The following BPTF variants were observed in gnomAD, a reference collection of about 807,000 sequenced individuals.
BPTF encodes the protein bromodomain PHD finger transcription factor, also known as nucleosome-remodeling factor subunit BPTF.
In BPTF, 18 loss-of-function variants were observed where a neutral mutation model predicts 292.5. That is an observed-to-expected ratio of 0.06 (90% CI 0.04 to 0.09). The LOEUF (loss-of-function observed/expected upper bound fraction) is 0.09. BPTF is among the 10% of genes least tolerant of loss of function. The pLI is 1.00. For synonymous variants in BPTF, 1,225 were observed against 1,251.9 expected, an observed-to-expected ratio of 0.98 and a Z score of 0.45; for missense variants, 2,726 against 3,498.7, an observed-to-expected ratio of 0.78 and a Z score of 5.57.
intron 1 of BPTF, among the ~76,000 whole-genome samples, chr17:67,834,586 T>G (rs1427158173): frequency 1.3e-5 from 2 of 152,184 alleles, no homozygotes; most frequent in Non-Finnish European, 2.9e-5. Flanking sequence ...TTTATATTCA[T>G]GTATTTTGAG....
intron 26 of BPTF, among the ~76,000 whole-genome samples, chr17:67,972,388 A>G (rs1207725990): frequency 1.3e-5 from 2 of 151,580 alleles, no homozygotes; most frequent in Non-Finnish European, 2.9e-5. Context: ...GGCGCCCACC[A>G]CCATACCTAC....
intron 3 of BPTF, among the ~76,000 whole-genome samples, chr17:67,872,435 C>T (rs532381569): frequency 4.6e-5 from 7 of 152,106 alleles, no homozygotes; most frequent in African/African-American, 7.2e-5. Context: ...TGAAAATGGC[C>T]GGGCGTGGTG....
In BPTF at chr17:67,826,326, G is replaced by C. The variant is rs1239288148; in HGVS notation, c.602G>C (p.Ser201Thr). The C allele has an allele frequency of 6.2e-7, 1 of 1,610,618 alleles. No homozygotes were observed. The highest frequency in any genetic ancestry group is 1.3e-5 in the African/African-American group (1 of 74,696). Residue 201 changes from serine (S) to threonine (T), a missense_variant, in exon 1 of 28, where the codon AGC (serine) becomes ACC (threonine). This residue lies in a region of BPTF where 153 missense variants were observed against 178.3 expected (regional missense o/e 0.86). Transcript: ENST00000306378. ...AGCTTCAGGAGCCATAGTACCTACA[G>C]CAGCACTCCAGGTACCCACCCAGCC... The part of the protein sequence containing the change: ...ESSFRSHSTY[S>T]STPGRRKPRV...
intron 10 of BPTF, 72 bp from the exon 11 acceptor site, chr17:67,910,805 A>AT (rs1466895334): frequency 8.8e-7 from 1 of 1,139,488 alleles, no homozygotes; most frequent in African/African-American, 1.7e-5. Context: ...ATCTCAAAAA[A>AT]AAAAATATAT....
chr17:67,907,433 G>A (rs1015651606), intron 9 of BPTF, among the ~76,000 whole-genome samples: 73 of 149,812 alleles, frequency 4.9e-4, no homozygotes, highest in Non-Finnish European at 9.6e-4. Flanking sequence ...TCAGCTCACT[G>A]CAACCTCCAC....
At chr17:67,861,082 C>T (rs1003134176) in intron 2 of BPTF, among the ~76,000 whole-genome samples, 10 of 152,276 alleles carry the variant, frequency 6.6e-5, no homozygotes, top group African/African-American at 1.9e-4. Flanking sequence ...CCAAACTCAT[C>T]GTTTCCCCCC....
At chr17:67,851,915 G>A (rs1386648612) in intron 1 of BPTF, among the ~76,000 whole-genome samples, 3 of 134,988 alleles carry the variant, frequency 2.2e-5, no homozygotes, top group Non-Finnish European at 4.6e-5. Flanking sequence ...GTGAGATTGG[G>A]GTCCTTTTTT....
chr17:67,851,617 C>A (rs191410438), intron 1 of BPTF, among the ~76,000 whole-genome samples: 2 of 152,138 alleles, frequency 1.3e-5, no homozygotes, highest in African/African-American at 4.8e-5. Flanking sequence ...CTTTTGTTTT[C>A]AGGGGTATGT....
In BPTF at chr17:67,887,704, C is replaced by G. The variant is rs575716252; in HGVS notation, c.1865-4140C>G. Among the ~76,000 whole-genome samples the G allele has an allele frequency of 5.3e-4, 81 of 152,256 alleles. 1 individual carries two copies. In the South Asian group the frequency reaches 0.017, roughly 32 times the overall value. ...AATTAGCTCATGTAGTTGGGAAGTCCGAGCCATCATCAGGTATAACTGGAC... is the reference window on the plus strand; with the variant it reads ...AATTAGCTCATGTAGTTGGGAAGTCGGAGCCATCATCAGGTATAACTGGAC... On this transcript the variant is annotated intron_variant, in intron 4 of 27. Transcript: ENST00000306378.
At chr17:67,887,363 A>G (rs1010571224) in intron 4 of BPTF, among the ~76,000 whole-genome samples, 4 of 152,134 alleles carry the variant, frequency 2.6e-5, no homozygotes, top group Non-Finnish European at 4.4e-5. Flanking sequence ...AATTTTACGT[A>G]TATTTGCATA....
At chr17:67,908,099 T>C (rs996364297) in intron 9 of BPTF, among the ~76,000 whole-genome samples, 4 of 152,160 alleles carry the variant, frequency 2.6e-5, no homozygotes, top group African/African-American at 9.6e-5. Flanking sequence ...ACCACTGATA[T>C]GGGCTTTCTG....
intron 23 of BPTF, among the ~76,000 whole-genome samples, chr17:67,949,043 C>G (rs567656996): frequency 6.6e-6 from 1 of 152,242 alleles, no homozygotes; most frequent in East Asian, 1.9e-4. Flanking sequence ...GTAGGTATTG[C>G]TAACCTGCTT....
chr17:67,840,104 A>AT (rs113437066), intron 1 of BPTF, among the ~76,000 whole-genome samples: 1,672 of 139,280 alleles, frequency 0.012, 14 homozygotes, highest in Middle Eastern at 0.03. Flanking sequence ...AAAAATACTG[A>AT]TTTTTTTTTT....
chr17:67,980,884 G>T (rs149856658), intron 27 of BPTF, among the ~76,000 whole-genome samples: 272 of 152,320 alleles, frequency 1.8e-3, no homozygotes, highest in African/African-American at 6.3e-3. Context: ...TAGGCTGTGT[G>T]CAATGGTGCA....
chr17:67,917,480 A>T (rs2063119727), intron 11 of BPTF, among the ~76,000 whole-genome samples: 3 of 152,064 alleles, frequency 2.0e-5, no homozygotes, highest in Non-Finnish European at 2.9e-5. Flanking sequence ...AACTACACTA[A>T]TGCTGTTAAA....
intron 15 of BPTF, among the ~76,000 whole-genome samples, chr17:67,926,209 A>C (rs2063876245): frequency 6.7e-6 from 1 of 150,342 alleles, no homozygotes; most frequent in African/African-American, 2.4e-5. Flanking sequence ...GACTTTTGCC[A>C]TATTGCCCAG....
intron 1 of BPTF, among the ~76,000 whole-genome samples, chr17:67,842,228 T>C (rs760749708): frequency 2.6e-5 from 4 of 152,292 alleles, no homozygotes; most frequent in Non-Finnish European, 5.9e-5. Context: ...CATAGACATA[T>C]ATCTACATAC....
chr17:67,928,191 C>T (rs903339933), intron 15 of BPTF, among the ~76,000 whole-genome samples, 164 bp from the exon 16 acceptor site: 5 of 151,932 alleles, frequency 3.3e-5, no homozygotes, highest in Non-Finnish European at 5.9e-5. Flanking sequence ...GCCATAAATA[C>T]GGGTAAATTT....
intron 4 of BPTF, chr17:67,875,834 A>C: frequency 9.1e-7 from 1 of 1,099,336 alleles, no homozygotes; most frequent in Non-Finnish European, 1.2e-6. Context: ...ACCTTAAACT[A>C]TGTGTTCATT....
Sources: gnomAD v4.1 joint callset for allele counts (sites outside exome capture counted in the v4.1 genomes callset) on GRCh38, gnomAD v4.1.1 for gene constraint, gnomAD v4.1.1 regional missense constraint, MANE v1.5 for transcripts, NCBI Gene and HGNC (gene_info 2026-07-23, HGNC 2026-07-21) for gene names.